Variants in RAB27B observed in about 807,000 individuals in gnomAD.
RAB27B encodes the protein ras-related protein Rab-27B.
Under a neutral mutation model 24.6 loss-of-function variants are expected in RAB27B, and 15 were observed. The ratio of observed to expected loss-of-function variants is 0.61; its 90% CI spans 0.41 to 0.94. The LOEUF (loss-of-function observed/expected upper bound fraction) is 0.94, where lower values mean the gene tolerates loss of function less well. Among genes scored for constraint, RAB27B ranks in the 40% least tolerant of loss-of-function variants. The probability of loss-of-function intolerance (pLI) is 0.00; values close to 1 mark genes in which losing one functional copy is unlikely to be tolerated. For synonymous variants in RAB27B, 105 were observed against 92.5 expected, an observed-to-expected ratio of 1.14 and a Z score of -0.78; for missense variants, 261 against 266.8, an observed-to-expected ratio of 0.98 and a Z score of 0.15.
intron 2 of RAB27B, among the ~76,000 whole-genome samples, chr18:54,783,264 G>A (rs966037583): frequency 2.6e-5 from 4 of 152,000 alleles, no homozygotes; most frequent in African/African-American, 4.8e-5. Flanking sequence ...ATCATGCTTG[G>A]CCTCATGATG....
At chr18:54,811,355 A>G (rs1344019335) in intron 2 of RAB27B, among the ~76,000 whole-genome samples, 2 of 152,154 alleles carry the variant, frequency 1.3e-5, no homozygotes, top group Non-Finnish European at 2.9e-5. Context: ...GGGATGTGAG[A>G]TATTAATCAT....
At chr18:54,877,330 T>C (rs781550871) in intron 1 of RAB27B, among the ~76,000 whole-genome samples, 1 of 152,184 alleles carries the variant, frequency 6.6e-6, no homozygotes, top group East Asian at 1.9e-4. Flanking sequence ...ACTGTGGCAA[T>C]TGATATTTTG....
chr18:54,726,864 G>A (rs1454485384), intron 2 of RAB27B, among the ~76,000 whole-genome samples: 1 of 143,740 alleles, frequency 7.0e-6, no homozygotes, highest in Non-Finnish European at 1.6e-5. Context: ...ACTGCTAATG[G>A]GTTTTGCATG....
At chr18:54,845,364 G>A (rs1308230065) in intron 1 of RAB27B, among the ~76,000 whole-genome samples, 3 of 137,862 alleles carry the variant, frequency 2.2e-5, no homozygotes, top group Admixed American at 1.6e-4. Context: ...CCAAGATCAC[G>A]CCACTGCACT....
chr18:54,776,294 C>A (rs1458738822), intron 2 of RAB27B, among the ~76,000 whole-genome samples: 1 of 152,182 alleles, frequency 6.6e-6, no homozygotes, highest in Non-Finnish European at 1.5e-5. Flanking sequence ...CCAAGTAAAC[C>A]AAACCTTTTC....
rs529944504 is a variant in RAB27B, at chr18:54,833,784, G to C, written c.-20+5084G>C. ...AAAGAACAAACCAGACAGTGCAAAA[G>C]GATTTGCTGAATTCTTAACCTGGGA... On this transcript the variant is annotated intron_variant, in intron 1 of 5. Transcript: ENST00000262094. Among the ~76,000 whole-genome samples, 38 of 152,304 alleles carry C rather than the reference G, an allele frequency of 2.5e-4. No individual in the cohort carries two copies. The South Asian group carries it at 7.7e-3, about 31-fold the overall frequency.
intron 3 of RAB27B, 160 bp downstream of exon 3, chr18:54,879,614 T>A: frequency 1.5e-6 from 1 of 654,544 alleles, no homozygotes; most frequent in Non-Finnish European, 2.7e-6. Flanking sequence ...GATTTGTAAT[T>A]AATTAATCAC....
chr18:54,883,068 G>T (rs1035142778), intron 3 of RAB27B, among the ~76,000 whole-genome samples: 1 of 152,106 alleles, frequency 6.6e-6, no homozygotes, highest in African/African-American at 2.4e-5. Flanking sequence ...CCAGGTGAAG[G>T]AGGAAGGGAT....
chr18:54,809,643 T>A (rs1189653853), intron 2 of RAB27B, among the ~76,000 whole-genome samples: 1 of 152,224 alleles, frequency 6.6e-6, no homozygotes, highest in East Asian at 1.9e-4. Context: ...ACCAAGTGTT[T>A]GGAGGCAAAC....
At chr18:54,718,521 G>A (rs761054846) in intron 2 of RAB27B, among the ~76,000 whole-genome samples, 1 of 152,050 alleles carries the variant, frequency 6.6e-6, no homozygotes, top group Non-Finnish European at 1.5e-5. Flanking sequence ...CTTTATTTCT[G>A]CAAATACTCC....
chr18:54,789,664 AC>A (rs1467967573), intron 2 of RAB27B, among the ~76,000 whole-genome samples: 2 of 152,100 alleles, frequency 1.3e-5, no homozygotes, highest in African/African-American at 2.4e-5. Flanking sequence ...AGGAAAAAAA[AC>A]AATATGATGA....
At chr18:54,754,106 T>A (rs1165687908) in intron 2 of RAB27B, among the ~76,000 whole-genome samples, 1 of 152,192 alleles carries the variant, frequency 6.6e-6, no homozygotes, top group Non-Finnish European at 1.5e-5. Flanking sequence ...AATTGTAATC[T>A]CCAGGTGTTG....
chr18:54,808,709 C>T (rs1167806584), intron 2 of RAB27B, among the ~76,000 whole-genome samples: 2 of 152,188 alleles, frequency 1.3e-5, no homozygotes, highest in African/African-American at 4.8e-5. Flanking sequence ...ATCATGTGTA[C>T]ACACACATAC....
intron 1 of RAB27B, among the ~76,000 whole-genome samples, chr18:54,865,253 G>GTGTGTA (rs1912169338): frequency 6.6e-6 from 1 of 151,398 alleles, no homozygotes; most frequent in Non-Finnish European, 1.5e-5. Context: ...GTGTGTGTGT[G>GTGTGTA]TGTGTGTGTG....
intron 1 of RAB27B, among the ~76,000 whole-genome samples, chr18:54,870,640 G>A (rs1912425868): frequency 6.6e-6 from 1 of 152,096 alleles, no homozygotes; most frequent in African/African-American, 2.4e-5. Flanking sequence ...TTAAACATAT[G>A]AAAACATACT....
At chr18:54,859,714 G>A (rs1911936638) in intron 1 of RAB27B, among the ~76,000 whole-genome samples, 1 of 152,208 alleles carries the variant, frequency 6.6e-6, no homozygotes, top group Non-Finnish European at 1.5e-5. Context: ...GCTGGGGAGT[G>A]AAACTCGACA....
At position 54,814,876 on chromosome 18, in the gene RAB27B, T is replaced by A. The variant is rs143774607; in HGVS notation, c.-19-62691T>A. ...TTCATCAAGTTTATACGTTTAAGTG[T>A]CTGTGAACACGTTTGTGAGTCAGGG... On this transcript the variant is annotated intron_variant, in intron 2 of 4. Coordinates refer to the RAB27B transcript ENST00000586570. 1.8e-3 allele frequency among the ~76,000 whole-genome samples: 275 copies of A among 152,336 alleles called. 1 individual carries two copies. Among genetic ancestry groups the A allele is most frequent in the Middle Eastern group, 0.014 (4 of 294 alleles).
intron 2 of RAB27B, among the ~76,000 whole-genome samples, chr18:54,735,720 C>T (rs1909870505): frequency 6.6e-6 from 1 of 152,114 alleles, no homozygotes; most frequent in Admixed American, 6.6e-5. Flanking sequence ...AAGGGTTTCG[C>T]CATGTTGGCC....
chr18:54,796,742 T>C (rs1460971805), intron 2 of RAB27B, among the ~76,000 whole-genome samples: 3 of 152,218 alleles, frequency 2.0e-5, no homozygotes, highest in Non-Finnish European at 4.4e-5. Flanking sequence ...AGAGTGGTCT[T>C]GGAATGTGCA....
Sources: allele counts gnomAD v4.1 joint callset (sites outside exome capture counted in the v4.1 genomes callset), GRCh38; gene constraint gnomAD v4.1.1; transcripts MANE v1.5; gene names NCBI Gene and HGNC (gene_info 2026-07-23, HGNC 2026-07-21).